The following CDK8 variants were observed in gnomAD, a reference collection of about 807,000 sequenced individuals.
CDK8 encodes the protein cyclin dependent kinase 8.
In CDK8, 29 loss-of-function variants were observed where a neutral mutation model predicts 71.5. The observed-to-expected ratio is 0.41, with a 90% CI of 0.30 to 0.55. The LOEUF is 0.55. Among genes scored for constraint, CDK8 ranks in the 20% least tolerant of loss-of-function variants. The pLI, the probability that CDK8 is intolerant of heterozygous loss-of-function variation, is 0.37. For synonymous variants in CDK8, 161 were observed against 192.1 expected (o/e 0.84, Z 1.34); for missense variants, 288 against 572.6 (o/e 0.50, Z 5.07).
intron 1 of CDK8, among the ~76,000 whole-genome samples, chr13:26,333,952 T>A (rs1872868114): frequency 6.6e-6 from 1 of 152,182 alleles, no homozygotes; most frequent in Non-Finnish European, 1.5e-5. Context: ...AGAGATAAAT[T>A]TGCCATGTAA....
chr13:26,377,672 A>G (rs1028308111), intron 4 of CDK8, among the ~76,000 whole-genome samples: 3 of 152,190 alleles, frequency 2.0e-5, no homozygotes, highest in African/African-American at 7.2e-5. Flanking sequence ...TACCCCTGAA[A>G]AAAAGAGGAA....
chr13:26,306,705 T>C (rs1024963616), intron 1 of CDK8, among the ~76,000 whole-genome samples: 4 of 151,102 alleles, frequency 2.6e-5, no homozygotes, highest in African/African-American at 9.7e-5. Context: ...CTCAGCTTAC[T>C]GTAGCCTCCG....
intron 1 of CDK8, among the ~76,000 whole-genome samples, chr13:26,267,765 C>T (rs940554009): frequency 1.2e-4 from 19 of 152,242 alleles, no homozygotes; most frequent in African/African-American, 2.9e-4. Context: ...ATGTCCTTTG[C>T]GTCTGTCTTT....
chr13:26,364,656 T>C (rs1156240443), intron 4 of CDK8, among the ~76,000 whole-genome samples: 1 of 152,184 alleles, frequency 6.6e-6, no homozygotes, highest in African/African-American at 2.4e-5. Context: ...ATCTGGATCA[T>C]AAAACTGAAG....
intron 1 of CDK8, among the ~76,000 whole-genome samples, chr13:26,319,973 G>C (rs976088755): frequency 2.6e-5 from 4 of 152,074 alleles, no homozygotes; most frequent in South Asian, 2.1e-4. Context: ...AATGGGGAAA[G>C]GACAGCCCTT....
At chr13:26,288,451 T>C (rs912584866) in intron 1 of CDK8, among the ~76,000 whole-genome samples, 1 of 152,160 alleles carries the variant, frequency 6.6e-6, no homozygotes, top group African/African-American at 2.4e-5. Context: ...TCTTAATTAC[T>C]ATAGCCTTGT....
At chr13:26,280,248 A>G (rs1170112276) in intron 1 of CDK8, among the ~76,000 whole-genome samples, 1 of 152,230 alleles carries the variant, frequency 6.6e-6, no homozygotes, top group African/African-American at 2.4e-5. Context: ...TAAACTTTCA[A>G]ATATTCATTT....
At position 26,271,806 on chromosome 13, in the gene CDK8, CTTT is replaced by C. The variant is rs58160694; in HGVS notation, c.128+17071_128+17073del. On this transcript the variant is annotated intron_variant, in intron 1 of 12. Coordinates refer to ENST00000381527, the MANE Select transcript of CDK8 (RefSeq NM_001260.3). ...CCTGGGGGACAGAGTGAGACCCTGT[CTTT>C]TTTTTTTTTTTTTTTTTTTTTTTTT... Among the ~76,000 whole-genome samples the C allele has an allele frequency of 1.0e-3, 65 of 62,658 alleles. 5 individuals are homozygous for C. The highest frequency in any genetic ancestry group is 5.2e-3 in the African/African-American group (60 of 11,540). The allele number at this position is 62,658 out of a possible 152,430, so 41.1% of individuals were successfully genotyped here.
intron 6 of CDK8, among the ~76,000 whole-genome samples, chr13:26,388,272 T>G (rs557638746): frequency 6.6e-6 from 1 of 152,244 alleles, no homozygotes; most frequent in Non-Finnish European, 1.5e-5. Context: ...AACTTTTCTA[T>G]AAATATAAAA....
At chr13:26,310,848 A>G (rs1874253136) in intron 1 of CDK8, among the ~76,000 whole-genome samples, 1 of 152,030 alleles carries the variant, frequency 6.6e-6, no homozygotes, top group Admixed American at 6.6e-5. Context: ...TCTCAAAGTT[A>G]CTTTGTTCAA....
At chr13:26,316,026 G>T (rs1874495959) in intron 1 of CDK8, among the ~76,000 whole-genome samples, 1 of 152,166 alleles carries the variant, frequency 6.6e-6, no homozygotes, top group South Asian at 2.1e-4. Context: ...CAGATATTGG[G>T]AATCTGTGCT....
At chr13:26,314,817 G>A (rs902296062) in intron 1 of CDK8, among the ~76,000 whole-genome samples, 2 of 152,050 alleles carry the variant, frequency 1.3e-5, no homozygotes, top group Admixed American at 1.3e-4. Flanking sequence ...AATTTTATAG[G>A]TGCTTAATTA....
At chr13:26,352,826 A>G (rs1873738652) in intron 3 of CDK8, among the ~76,000 whole-genome samples, 1 of 152,226 alleles carries the variant, frequency 6.6e-6, no homozygotes, top group South Asian at 2.1e-4. Context: ...TATTCTGTAT[A>G]TCATAAGAAA....
chr13:26,341,094 T>A (rs1438811480), intron 2 of CDK8, among the ~76,000 whole-genome samples: 1 of 152,160 alleles, frequency 6.6e-6, no homozygotes, highest in Non-Finnish European at 1.5e-5. Flanking sequence ...GACTTGACTT[T>A]TCTACTCACC....
chr13:26,338,847 G>T (rs1873102759), intron 2 of CDK8, among the ~76,000 whole-genome samples: 1 of 152,080 alleles, frequency 6.6e-6, no homozygotes, highest in African/African-American at 2.4e-5. Context: ...GAGCTTCAGG[G>T]TGCTAGTAAT....
chr13:26,371,574 G>A (rs1211902950), intron 4 of CDK8, among the ~76,000 whole-genome samples: 11 of 152,162 alleles, frequency 7.2e-5, no homozygotes, highest in Admixed American at 7.2e-4. Context: ...CTAATGGTCT[G>A]TTCAGTTTGC....
chr13:26,332,863 T>C (rs1203366025), intron 1 of CDK8, among the ~76,000 whole-genome samples: 1 of 152,212 alleles, frequency 6.6e-6, no homozygotes, highest in Non-Finnish European at 1.5e-5. Context: ...GAACATACAT[T>C]GCGTTGTCTC....
intron 1 of CDK8, among the ~76,000 whole-genome samples, chr13:26,281,840 G>A (rs1050652268): frequency 2.0e-5 from 3 of 151,938 alleles, no homozygotes; most frequent in African/African-American, 7.2e-5. Flanking sequence ...AATAAATATT[G>A]TATTCCAGAG....
intron 1 of CDK8, among the ~76,000 whole-genome samples, chr13:26,323,534 G>C (rs188040911): frequency 6.6e-6 from 1 of 152,156 alleles, no homozygotes; most frequent in East Asian, 1.9e-4. Context: ...GAAATTTGGG[G>C]GGAGACAGTT....
Sources: allele counts gnomAD v4.1 joint callset (sites outside exome capture counted in the v4.1 genomes callset), GRCh38; gene constraint gnomAD v4.1.1; transcripts MANE v1.5; gene names NCBI Gene and HGNC (gene_info 2026-07-23, HGNC 2026-07-21).